LITAF: variants seen among roughly 807,000 people sequenced by gnomAD.
The protein encoded by LITAF is lipopolysaccharide induced TNF factor, also known as lipopolysaccharide-induced tumor necrosis factor-alpha factor.
A neutral mutation model predicts 14.5 loss-of-function variants in LITAF; 9 were observed. The ratio of observed to expected loss-of-function variants is 0.62; its 90% CI spans 0.37 to 1.08. LITAF has a LOEUF of 1.08. Among genes scored for constraint, LITAF ranks in the 50% least tolerant of loss-of-function variants. LITAF has a pLI of 0.01. For synonymous variants in LITAF, 98 were observed against 88.2 expected, an observed-to-expected ratio of 1.11 and a Z score of -0.62; for missense variants, 206 against 213.4, an observed-to-expected ratio of 0.97 and a Z score of 0.22.
Position 11,549,521 on chromosome 16 carries a change from G to A in LITAF, c.*116C>T. 1.3e-6 allele frequency: 1 copy of A among 762,848 alleles called. No homozygotes were observed. Among genetic ancestry groups the A allele is most frequent in the Non-Finnish European group, 2.3e-6 (1 of 433,340 alleles). The allele number at this position is 762,848 out of a possible 1,614,324, so 47.3% of individuals were successfully genotyped here. ...ATTCCCCCCAAAAGAAGACATGAAGGTGGGCCCCCTGGAGAGGTGAGACCA... is the reference window on the plus strand; with the variant it reads ...ATTCCCCCCAAAAGAAGACATGAAGATGGGCCCCCTGGAGAGGTGAGACCA... On this transcript the variant is annotated 3_prime_UTR_variant, in exon 4 of 4. Coordinates refer to ENST00000622633, the MANE Select transcript of LITAF (RefSeq NM_001136472.2). The surrounding 1 kb of genome is among the most constrained non-coding windows in gnomAD (Gnocchi z 4.6).
chr16:11,608,187 G>C (rs1338500547), intron 3 of LITAF, among the ~76,000 whole-genome samples: 1 of 152,180 alleles, frequency 6.6e-6, no homozygotes, highest in Non-Finnish European at 1.5e-5. Flanking sequence ...AACCCCACTG[G>C]GGTTCAGAGA....
intron 1 of LITAF, among the ~76,000 whole-genome samples, chr16:11,562,313 CAAAAAAAAAAAAA>C (rs57317505): frequency 1.8e-3 from 112 of 61,440 alleles, no homozygotes; most frequent in Non-Finnish European, 1.9e-3. Context: ...GACTCCGTCT[CAAAAAAAAAAAAA>C]AAAAAAAAAA....
chr16:11,626,692 G>A (rs941422397), intron 3 of LITAF, among the ~76,000 whole-genome samples: 3 of 151,320 alleles, frequency 2.0e-5, no homozygotes, highest in African/African-American at 7.3e-5. Context: ...GGCTGGTCTC[G>A]AACTCCCACC....
chr16:11,570,688 T>C (rs575811864), intron 1 of LITAF, among the ~76,000 whole-genome samples: 136 of 152,204 alleles, frequency 8.9e-4, no homozygotes, highest in South Asian at 6.6e-3. Context: ...AAGGTCCTTA[T>C]AAGAGAAAGG....
intron 3 of LITAF, among the ~76,000 whole-genome samples, chr16:11,609,504 G>A (rs984642860): frequency 8.5e-5 from 13 of 152,124 alleles, no homozygotes; most frequent in Non-Finnish European, 1.6e-4. Flanking sequence ...GTGAGCCACC[G>A]TGCCCGGCCT....
At chr16:11,630,356 C>T (rs2065110263) in intron 3 of LITAF, among the ~76,000 whole-genome samples, 1 of 152,198 alleles carries the variant, frequency 6.6e-6, no homozygotes, top group East Asian at 1.9e-4. Flanking sequence ...TACTTTGAAA[C>T]TGCTTTAAAC....
chr16:11,581,015 T>C lies in LITAF; in HGVS notation c.-6+5871A>G, dbSNP rs530968999. Reference sequence around the variant, plus strand: ...CCTGGGCTCAAGCGATCCTCCTGCCTTGTCCTCCCAGAGTGCTGGGATTAC... The same window carrying C: ...CCTGGGCTCAAGCGATCCTCCTGCCCTGTCCTCCCAGAGTGCTGGGATTAC... On this transcript the variant is annotated intron_variant, in intron 1 of 3. Coordinates refer to ENST00000622633, the MANE Select transcript of LITAF (RefSeq NM_001136472.2). 1.6e-4 allele frequency among the ~76,000 whole-genome samples: 24 copies of C among 152,338 alleles called. 1 individual carries two copies. The highest frequency in any genetic ancestry group is 5.3e-4 in the African/African-American group (22 of 41,584).
chr16:11,585,800 G>C (rs1031378824), intron 1 of LITAF, among the ~76,000 whole-genome samples: 5 of 152,188 alleles, frequency 3.3e-5, no homozygotes, highest in Non-Finnish European at 7.3e-5. Flanking sequence ...TCTTTGGGAA[G>C]ACTGGTAGGA....
intron 3 of LITAF, among the ~76,000 whole-genome samples, chr16:11,550,794 G>A (rs912896228): frequency 2.6e-5 from 4 of 151,968 alleles, no homozygotes; most frequent in African/African-American, 7.3e-5. Context: ...CCACACACCC[G>A]GCCACATACT....
At chr16:11,578,806 C>G (rs1362129738) in intron 1 of LITAF, among the ~76,000 whole-genome samples, 1 of 152,166 alleles carries the variant, frequency 6.6e-6, no homozygotes, top group East Asian at 1.9e-4. Flanking sequence ...TACAGAATCC[C>G]TCATCTTCAA....
chr16:11,583,098 T>C (rs1228780985), intron 1 of LITAF, among the ~76,000 whole-genome samples: 1 of 152,180 alleles, frequency 6.6e-6, no homozygotes, highest in Admixed American at 6.5e-5. Context: ...CTTTGGTTAT[T>C]TGATCCCAAA....
chr16:11,566,107 C>T (rs536857665), intron 1 of LITAF, among the ~76,000 whole-genome samples: 57 of 152,172 alleles, frequency 3.7e-4, no homozygotes, highest in African/African-American at 1.2e-3. Context: ...CATAAGCACT[C>T]GGTATGTGTC....
intron 1 of LITAF, among the ~76,000 whole-genome samples, chr16:11,566,917 T>C (rs542600554): frequency 6.6e-6 from 1 of 152,168 alleles, no homozygotes; most frequent in Non-Finnish European, 1.5e-5. Flanking sequence ...ATGACAAGCC[T>C]CCATATAGAT....
chr16:11,606,095 C>A (rs1444165339), intron 3 of LITAF, among the ~76,000 whole-genome samples: 1 of 152,172 alleles, frequency 6.6e-6, no homozygotes, highest in Non-Finnish European at 1.5e-5. Flanking sequence ...GACCTCTACA[C>A]CCTACTCACC....
chr16:11,586,660 C>A lies in LITAF; in HGVS notation c.-6+226G>T, dbSNP rs1397350704. Among the ~76,000 whole-genome samples the A allele has an allele frequency of 6.6e-6, 1 of 151,706 alleles. No homozygotes were observed. Among genetic ancestry groups the A allele is most frequent in the Admixed American group, 6.6e-5 (1 of 15,258 alleles). ...CTGGGACGCAGGAGCTGAACCCAAC[C>A]GGAGACGCGGCCGGGACCAGCGCTG... On this transcript the variant is annotated intron_variant, in intron 1 of 3. Transcript: ENST00000622633. The surrounding 1 kb of genome is among the most constrained non-coding windows in gnomAD (Gnocchi z 6.5).
chr16:11,554,710 C>T (rs2064241239), intron 2 of LITAF, among the ~76,000 whole-genome samples: 1 of 145,542 alleles, frequency 6.9e-6, no homozygotes, highest in African/African-American at 2.6e-5. Flanking sequence ...ATTGCTTGAA[C>T]TTGGGAGGCA....
At chr16:11,554,787 CAAAAA>C (rs56346206) in intron 2 of LITAF, among the ~76,000 whole-genome samples, 2 of 64,490 alleles carry the variant, frequency 3.1e-5, no homozygotes, top group Non-Finnish European at 5.9e-5. Flanking sequence ...GACTCTACCT[CAAAAA>C]AAAAAAAAAA....
chr16:11,616,839 G>A (rs2065022275), intron 3 of LITAF, among the ~76,000 whole-genome samples: 1 of 150,548 alleles, frequency 6.6e-6, no homozygotes, highest in Non-Finnish European at 1.5e-5. Flanking sequence ...CTGAGCCCAA[G>A]AGGTTGAGGC....
At chr16:11,577,606 C>A (rs929351235) in intron 1 of LITAF, among the ~76,000 whole-genome samples, 2 of 152,078 alleles carry the variant, frequency 1.3e-5, no homozygotes, top group Non-Finnish European at 2.9e-5. Flanking sequence ...GTGTAAGCCA[C>A]CACACCTGGC....
Sources: gnomAD v4.1 joint callset for allele counts (sites outside exome capture counted in the v4.1 genomes callset) on GRCh38, gnomAD v4.1.1 for gene constraint, Gnocchi (gnomAD v3.1) non-coding constraint, MANE v1.5 for transcripts, NCBI Gene and HGNC (gene_info 2026-07-23, HGNC 2026-07-21) for gene names.